Variants in RCBTB2 observed in about 807,000 individuals in gnomAD.
RCBTB2 encodes RCC1 and BTB domain-containing protein 2.
A neutral mutation model predicts 65.4 loss-of-function variants in RCBTB2; 55 were observed. The observed-to-expected ratio is 0.84, with a 90% CI of 0.68 to 1.05. The LOEUF is 1.05. RCBTB2 is among the 50% of genes least tolerant of loss of function. RCBTB2 has a pLI of 0.00. For synonymous variants in RCBTB2, 220 were observed against 255.2 expected (o/e 0.86, Z 1.31); for missense variants, 599 against 680.1 (o/e 0.88, Z 1.33).
chr13:48,500,418 CATG>C (rs1950182599), intron 12 of RCBTB2, among the ~76,000 whole-genome samples: 3 of 152,102 alleles, frequency 2.0e-5, no homozygotes, highest in African/African-American at 7.2e-5. Flanking sequence ...ATTAGCCAGG[CATG>C]GTGGTGTGCG....
At chr13:48,513,923 C>T (rs891727563) in intron 6 of RCBTB2, among the ~76,000 whole-genome samples, 28 of 152,228 alleles carry the variant, frequency 1.8e-4, no homozygotes, top group African/African-American at 6.0e-4. Context: ...TTTCCCTATA[C>T]GTATATACTT....
chr13:48,531,060 T>C (rs1952089234), intron 1 of RCBTB2, among the ~76,000 whole-genome samples: 1 of 152,164 alleles, frequency 6.6e-6, no homozygotes, highest in African/African-American at 2.4e-5. Flanking sequence ...ATTCCCTTTC[T>C]CTGTTCTCCT....
At chr13:48,505,112 C>T (rs1030084603) in intron 10 of RCBTB2, among the ~76,000 whole-genome samples, 3 of 151,002 alleles carry the variant, frequency 2.0e-5, no homozygotes, top group Non-Finnish European at 4.4e-5. Flanking sequence ...TTTGAATCCT[C>T]GCTCTACCAC....
chr13:48,519,737 G>A (rs1025756524), intron 4 of RCBTB2, among the ~76,000 whole-genome samples: 1 of 152,188 alleles, frequency 6.6e-6, no homozygotes, highest in African/African-American at 2.4e-5. Context: ...ACAGAGATGT[G>A]AATACATTGC....
chr13:48,524,602 C>T (rs973810633), intron 2 of RCBTB2, 57 bp downstream of exon 2: 1 of 152,172 alleles, frequency 6.6e-6, no homozygotes, highest in South Asian at 2.1e-4. Flanking sequence ...TGTACATTCT[C>T]AACAGTTCTA....
chr13:48,514,352 C>T (rs1341786829), intron 6 of RCBTB2, among the ~76,000 whole-genome samples: 1 of 152,210 alleles, frequency 6.6e-6, no homozygotes, highest in African/African-American at 2.4e-5. Flanking sequence ...TATCACCCTA[C>T]TCAGAATGGC....
chr13:48,528,313 T>A (rs1307148804), intron 1 of RCBTB2, among the ~76,000 whole-genome samples: 2 of 152,110 alleles, frequency 1.3e-5, no homozygotes, highest in African/African-American at 2.4e-5. Context: ...AAATAGCAAT[T>A]CCTGCAGAGA....
In RCBTB2 at chr13:48,511,895, C is replaced by A. The variant is rs753108578; in HGVS notation, c.676-18G>T. ...ACATAGACCTGAGAGAAAATGAGAC[C>A]CTCAATCCTCTCAAGAGACAAATGG... On this transcript the variant is annotated intron_variant, in intron 8 of 14. Coordinates refer to ENST00000344532, the MANE Select transcript of RCBTB2 (RefSeq NM_001268.4). 6.2e-7 allele frequency: 1 copy of A among 1,613,556 alleles called. No homozygotes were observed. The highest frequency in any genetic ancestry group is 8.5e-7 in the Non-Finnish European group (1 of 1,179,606).
chr13:48,519,677 G>T (rs1228328982), intron 4 of RCBTB2, among the ~76,000 whole-genome samples: 3 of 152,154 alleles, frequency 2.0e-5, no homozygotes, highest in African/African-American at 7.2e-5. Flanking sequence ...TCTCTTCAAG[G>T]AGGTCACAAT....
At position 48,502,888 on chromosome 13, in the gene RCBTB2, G is replaced by T. The variant is rs549322111; in HGVS notation, c.953C>A (p.Ser318Tyr). Residue 318 changes from serine to tyrosine, a missense_variant, in exon 11 of 15, where the codon TCC (serine) becomes TAC (tyrosine). Ser to Tyr is a moderately radical substitution (Grantham distance 144, BLOSUM62 -2). Coordinates refer to ENST00000344532, the MANE Select transcript of RCBTB2 (RefSeq NM_001268.4). ...DRIIEIAACH[S>Y]THTSAAKTQG... is the part of the protein sequence containing the mutation. The stretch of plus-strand genomic sequence containing the variant: ...CGTCTTGGCCGCAGACGTGTGTGTG[G>T]AGTGACAGGCTGCAATCTCGATAAT... The T allele has an allele frequency of 6.2e-7, 1 of 1,613,318 alleles. No homozygotes were observed. The highest frequency in any genetic ancestry group is 1.3e-5 in the African/African-American group (1 of 75,040).
chr13:48,510,645 T>C lies in RCBTB2; in HGVS notation c.910A>G (p.Thr304Ala), dbSNP rs772491352. 3.1e-6 allele frequency: 5 copies of C among 1,614,018 alleles called. No individual in the cohort carries two copies. In the Admixed American group the frequency reaches 6.7e-5, roughly 22 times the overall value. ...CCGTGTTACCTGTCCTTTTCCACAG[T>C]GACAGGAGTAGGATAGGACTGGTTG... The part of the protein sequence containing the change: ...KSNQSYPTPV[T>A]VEKDRIIEIA... The change falls in exon 10 of 15, where the codon ACT (threonine) becomes GCT (alanine). Residue 304 changes from threonine to alanine, a missense_variant. Transcript: ENST00000344532.
At chr13:48,502,641 C>G in intron 11 of RCBTB2, 83 bp downstream of exon 11, 1 of 1,373,228 alleles carries the variant, frequency 7.3e-7, no homozygotes, top group Non-Finnish European at 9.9e-7. Context: ...GTGCACCTAA[C>G]AAAATCCTCA....
At chr13:48,491,555 A>G (rs908556468) in intron 14 of RCBTB2, 2 of 152,204 alleles carry the variant, frequency 1.3e-5, no homozygotes, top group Non-Finnish European at 2.9e-5. Context: ...AATTTTTAGA[A>G]ATGACATTTT....
At chr13:48,527,397 T>C (rs1593816870) in intron 1 of RCBTB2, among the ~76,000 whole-genome samples, 3 of 86,896 alleles carry the variant, frequency 3.5e-5, no homozygotes, top group South Asian at 7.3e-4. Context: ...ATATTTATAT[T>C]AAAAGGTGCT....
Position 48,511,805 on chromosome 13 carries a change from T to G in RCBTB2, c.748A>C (p.Arg250=). 6.2e-7 allele frequency: 1 copy of G among 1,614,236 alleles called. No individual in the cohort carries two copies. Residue 250 remains arginine, a synonymous_variant, in exon 9 of 15, where the codon AGA becomes CGA. Coordinates refer to ENST00000344532, the MANE Select transcript of RCBTB2 (RefSeq NM_001268.4). ...CGGATGCCTTGCAAAGCTGCCACTCTGCAAGGGGTTGGCTGGTTGCCACTG... is the reference window on the plus strand; with the variant it reads ...CGGATGCCTTGCAAAGCTGCCACTCGGCAAGGGGTTGGCTGGTTGCCACTG... ...GNSGNQPTPC[R]VAALQGIRVQ...
intron 14 of RCBTB2, among the ~76,000 whole-genome samples, chr13:48,493,225 T>TCACACACACACACACA (rs3085589): frequency 0.013 from 1,404 of 109,040 alleles, 96 homozygotes; most frequent in African/African-American, 0.063. Flanking sequence ...GTACCCTCCT[T>TCACACACACACACACA]CACACACACA....
In RCBTB2 at chr13:48,525,834, G is replaced by A. The variant is rs567871871; in HGVS notation, c.-218-1077C>T. On this transcript the variant is annotated intron_variant, in intron 1 of 14. Coordinates refer to ENST00000344532, the MANE Select transcript of RCBTB2 (RefSeq NM_001268.4). ...CACTAAGTCACAAAATGATACATAT[G>A]GTATCATTTGATAACATTTGATATT... Among the ~76,000 whole-genome samples, 111 of 152,080 alleles carry A rather than the reference G, an allele frequency of 7.3e-4. 1 individual carries two copies. Among genetic ancestry groups the A allele is most frequent in the Non-Finnish European group, 9.4e-4 (64 of 67,966 alleles).
intron 14 of RCBTB2, 78 bp from the exon 15 acceptor site, chr13:48,490,329 C>G (rs1357152356): frequency 7.8e-7 from 1 of 1,281,836 alleles, no homozygotes; most frequent in Non-Finnish European, 1.1e-6. Flanking sequence ...ATCGCTAAAA[C>G]AAGTTAGGCA....
At chr13:48,514,079 G>A (rs144859518) in intron 6 of RCBTB2, among the ~76,000 whole-genome samples, 1 of 152,138 alleles carries the variant, frequency 6.6e-6, no homozygotes, top group African/African-American at 2.4e-5. Flanking sequence ...ACCTCAGCAT[G>A]GAAACTCTCC....
Sources: allele counts gnomAD v4.1 joint callset (sites outside exome capture counted in the v4.1 genomes callset), GRCh38; gene constraint gnomAD v4.1.1; transcripts MANE v1.5; gene names NCBI Gene and HGNC (gene_info 2026-07-23, HGNC 2026-07-21).